Variants in KAT5 observed in about 807,000 individuals in gnomAD.
The protein encoded by KAT5 is lysine acetyltransferase 5, also known as histone acetyltransferase KAT5.
In KAT5, 31 loss-of-function variants were observed where a neutral mutation model predicts 68.1. That is an observed-to-expected ratio of 0.46 (90% CI 0.34 to 0.61). The LOEUF (loss-of-function observed/expected upper bound fraction) is 0.61. Ranked by LOEUF, KAT5 falls within the 20% of genes least tolerant of loss-of-function variation. KAT5 has a pLI of 0.01. For synonymous variants in KAT5, 365 were observed against 292.6 expected, an observed-to-expected ratio of 1.25 and a Z score of -2.52; for missense variants, 451 against 725.5, an observed-to-expected ratio of 0.62 and a Z score of 4.35.
intron 10 of KAT5, 117 bp from the exon 11 acceptor site, chr11:65,718,473 C>A: frequency 9.6e-7 from 1 of 1,036,454 alleles, no homozygotes; most frequent in Non-Finnish European, 1.4e-6. Context: ...CATAGAACTG[C>A]CAAGTGGCAG....
At chr11:65,714,350 G>A in intron 6 of KAT5, 145 bp from the exon 7 acceptor site, 3 of 927,740 alleles carry the variant, frequency 3.2e-6, no homozygotes, top group South Asian at 3.3e-5. Context: ...AGGGTTTCAG[G>A]TTTTTTATCT....
At chr11:65,712,637 G>T in intron 1 of KAT5, 129 bp from the exon 2 acceptor site, 1 of 1,274,954 alleles carries the variant, frequency 7.8e-7, no homozygotes, top group Non-Finnish European at 1.1e-6. Flanking sequence ...ACTTGTGACT[G>T]AAGGAGGCTT....
Position 65,714,815 on chromosome 11 carries a change from C to A in KAT5, c.940-6C>A. On this transcript the variant is annotated splice_region_variant and splice_polypyrimidine_tract_variant and intron_variant, in intron 7 of 12. Transcript: ENST00000341318. ...CCCTTGTTCCTGATCCTCCTCTCTT[C>A]CCCAGACCAAGTGTGACCTACGACA... 1 of 1,614,226 alleles carries A rather than the reference C, an allele frequency of 6.2e-7. No homozygotes were observed. Among genetic ancestry groups the A allele is most frequent in the South Asian group, 1.1e-5 (1 of 91,084 alleles).
chr11:65,714,551 G>A lies in KAT5; in HGVS notation c.747G>A (p.Leu249=). 2.5e-6 allele frequency: 4 copies of A among 1,614,154 alleles called. No homozygotes were observed. The highest frequency in any genetic ancestry group is 1.3e-5 in the African/African-American group (1 of 75,034). Reference sequence around the variant, plus strand: ...CAGCACCACGCATGACTGGCAGCCTGGTGTCTGATCGAAGCCACGACGACA... The same window carrying A: ...CAGCACCACGCATGACTGGCAGCCTAGTGTCTGATCGAAGCCACGACGACA... ...IPSAPRMTGS[L]VSDRSHDDIV... The change falls in exon 7 of 13, where the codon CTG becomes CTA. Residue 249 remains leucine (L), a synonymous_variant. Coordinates refer to ENST00000341318, the MANE Select transcript of KAT5 (RefSeq NM_182710.3).
intron 10 of KAT5, chr11:65,717,784 G>A (rs904063777): frequency 1.3e-5 from 2 of 152,494 alleles, no homozygotes; most frequent in African/African-American, 4.8e-5. Context: ...CTCAGTCTTG[G>A]AACTCAGACA....
Position 65,714,929 on chromosome 11 carries a change from G to C in KAT5, c.1029+19G>C, listed in dbSNP as rs377190873. The C allele has an allele frequency of 2.5e-6, 4 of 1,600,478 alleles. No individual in the cohort carries two copies. ...GAACAAGGTTAGTGCTTGAGAGGCAGTGAGGCGCTGGGGTGAATCAAATGA... is the reference window on the plus strand; with the variant it reads ...GAACAAGGTTAGTGCTTGAGAGGCACTGAGGCGCTGGGGTGAATCAAATGA... On this transcript the variant is annotated intron_variant, in intron 8 of 12. Coordinates refer to ENST00000341318, the MANE Select transcript of KAT5 (RefSeq NM_182710.3).
Position 65,712,976 on chromosome 11 carries a change from T to C in KAT5, c.302T>C (p.Ile101Thr), listed in dbSNP as rs1160111465. 6.2e-7 allele frequency: 1 copy of C among 1,613,934 alleles called. No homozygotes were observed. ...VTHERLDLKK[I>T]QFPKKEAKTP... ...CATGAGCGGCTGGACCTAAAGAAGA[T>C]CCAGTTCCCCAAGAAAGAGGCCAAG... The change falls in exon 3 of 13, where the codon ATC (isoleucine) becomes ACC (threonine). Residue 101 changes from isoleucine to threonine, a missense_variant. Ile to Thr is a moderately conservative substitution (Grantham distance 89). Transcript: ENST00000341318.
At chr11:65,712,726 C>T (rs1182154150) in intron 1 of KAT5, 40 bp from the exon 2 acceptor site, 1 of 1,607,788 alleles carries the variant, frequency 6.2e-7, no homozygotes, top group Middle Eastern at 1.7e-4. Flanking sequence ...AGTCTCATAG[C>T]CTGGCCTGTC....
chr11:65,713,686 C>T lies in KAT5; in HGVS notation c.615+19C>T, dbSNP rs375802057. On this transcript the variant is annotated intron_variant, in intron 5 of 12. Coordinates refer to ENST00000341318, the MANE Select transcript of KAT5 (RefSeq NM_182710.3). ...TCCCCAGGTGAGTTCCCCAAACCATCTCTTGTTCTCTTCCTCTCTTCTACT... is the reference window on the plus strand; with the variant it reads ...TCCCCAGGTGAGTTCCCCAAACCATTTCTTGTTCTCTTCCTCTCTTCTACT... 4 of 1,614,058 alleles carry T rather than the reference C, an allele frequency of 2.5e-6. No homozygotes were observed. The highest frequency in any genetic ancestry group is 4.5e-5 in the East Asian group (2 of 44,888).
chr11:65,713,270 G>C lies in KAT5; in HGVS notation c.385-78G>C, dbSNP rs1037425264. Reference sequence around the variant, plus strand: ...CGAGGGTGGGGTTTGATAATTTTGAGGTGAGGGACCCCTCTTCCCCTTCCC... The same window carrying C: ...CGAGGGTGGGGTTTGATAATTTTGACGTGAGGGACCCCTCTTCCCCTTCCC... On this transcript the variant is annotated intron_variant, in intron 3 of 12. Transcript: ENST00000341318. 11 of 1,476,238 alleles carry C rather than the reference G, an allele frequency of 7.5e-6. 1 individual carries two copies. The Admixed American group carries it at 2.0e-4, about 26-fold the overall frequency. 91.4% of individuals were successfully genotyped at this position (1,476,238 alleles called of 1,614,324 possible). A position where few individuals can be genotyped will look rare whatever the true frequency, so the allele number is the denominator to read the frequency against.
At position 65,719,213 on chromosome 11, in the gene KAT5, C is replaced by T. The variant is rs201309659; in HGVS notation, c.*32C>T. 6.2e-7 allele frequency: 1 copy of T among 1,608,814 alleles called. No homozygotes were observed. Among genetic ancestry groups the T allele is most frequent in the Non-Finnish European group, 8.5e-7 (1 of 1,177,908 alleles). On this transcript the variant is annotated 3_prime_UTR_variant, in exon 13 of 13. Transcript: ENST00000341318. Reference sequence around the variant, plus strand: ...ACTGCCCACTGCAGTGCCAAGACGGCAGCAGGACTGGGGCTGATAGCCCAC... The same window carrying T: ...ACTGCCCACTGCAGTGCCAAGACGGTAGCAGGACTGGGGCTGATAGCCCAC...
At chr11:65,713,944 G>T in intron 6 of KAT5, 96 bp downstream of exon 6, 1 of 1,146,044 alleles carries the variant, frequency 8.7e-7, no homozygotes. Context: ...AATAAAGAAG[G>T]GGTGGTGGGC....
chr11:65,714,338 T>G, intron 6 of KAT5, 157 bp from the exon 7 acceptor site: 2 of 786,054 alleles, frequency 2.5e-6, no homozygotes, highest in Non-Finnish European at 4.0e-6. Context: ...CATCGATCCT[T>G]TAGGGTTTCA....
chr11:65,718,502 G>T lies in KAT5; in HGVS notation c.1265-88G>T, dbSNP rs528634366. The T allele has an allele frequency of 4.3e-6, 6 of 1,408,598 alleles. No individual in the cohort carries two copies. In the African/African-American group the frequency reaches 7.1e-5, roughly 17 times the overall value. 87.3% of individuals were successfully genotyped at this position (1,408,598 alleles called of 1,614,324 possible). ...GTGGCAGGGCCATGATAGGAACTAG[G>T]CAGCCTGCCTTGGCAACCTGTGTTT... On this transcript the variant is annotated intron_variant, in intron 10 of 12. Transcript: ENST00000341318.
intron 3 of KAT5, 34 bp from the exon 4 acceptor site, chr11:65,713,314 G>A (rs375552878): frequency 5.6e-6 from 9 of 1,603,250 alleles, no homozygotes; most frequent in African/African-American, 4.0e-5. Flanking sequence ...TGCCATCCCC[G>A]CCCCAAAGGA....
In KAT5 at chr11:65,718,707, G is replaced by A; in HGVS notation, c.1382G>A (p.Gly461Glu). The A allele has an allele frequency of 6.2e-7, 1 of 1,614,152 alleles. No homozygotes were observed. The highest frequency in any genetic ancestry group is 8.5e-7 in the Non-Finnish European group (1 of 1,180,030). ...CAGACCATCCTGGAGATCCTGATGG[G>A]GCTGAAGTCGGAGAGCGGGGAGAGG... ...WSQTILEILM[G>E]LKSESGERPQ... Residue 461 changes from glycine (G) to glutamate (E), a missense_variant, in exon 11 of 13, where the codon GGG becomes GAG. This residue lies in a region of KAT5 where 210 missense variants were observed against 423.7 expected (regional missense o/e 0.50). Transcript: ENST00000341318.
chr11:65,718,351 T>C (rs1857275693), intron 10 of KAT5: 2 of 478,286 alleles, frequency 4.2e-6, no homozygotes, highest in Non-Finnish European at 7.5e-6. Context: ...ACCCTCATGG[T>C]TGACTGCAGC....
Position 65,714,174 on chromosome 11 carries a change from C to T in KAT5, c.691-321C>T, listed in dbSNP as rs1857122701. 7.8e-6 allele frequency: 4 copies of T among 512,180 alleles called. No individual in the cohort carries two copies. In the East Asian group the frequency reaches 1.4e-4, roughly 18 times the overall value. 31.7% of individuals were successfully genotyped at this position (512,180 alleles called of 1,614,324 possible). On this transcript the variant is annotated intron_variant, in intron 6 of 12. Transcript: ENST00000341318. Reference sequence around the variant, plus strand: ...ATTAGCCAGGCGTGGTGGCGGGTGCCTGTAATCCAGCTCGGAAAGCTGAGG... The same window carrying T: ...ATTAGCCAGGCGTGGTGGCGGGTGCTTGTAATCCAGCTCGGAAAGCTGAGG...
At chr11:65,715,762 A>T (rs1214187536) in intron 8 of KAT5, among the ~76,000 whole-genome samples, 5 of 150,294 alleles carry the variant, frequency 3.3e-5, no homozygotes, top group Non-Finnish European at 5.9e-5. Context: ...TCGTGTAAAA[A>T]AAATAAATAA....
Sources: allele counts gnomAD v4.1 joint callset (sites outside exome capture counted in the v4.1 genomes callset), GRCh38; gene constraint gnomAD v4.1.1; regional missense constraint gnomAD v4.1.1; transcripts MANE v1.5; gene names NCBI Gene and HGNC (gene_info 2026-07-23, HGNC 2026-07-21).